VTI1A: variants seen among roughly 807,000 people sequenced by gnomAD.
The protein encoded by VTI1A is vesicle transport through interaction with t-SNAREs homolog 1A.
VTI1A carries 22 observed loss-of-function variants against 34.9 expected under a neutral mutation model. The ratio of observed to expected loss-of-function variants is 0.63; its 90% confidence interval spans 0.45 to 0.90. The LOEUF (loss-of-function observed/expected upper bound fraction) is 0.90. Among genes scored for constraint, VTI1A ranks in the 40% least tolerant of loss-of-function variants. The pLI is 0.00. For synonymous variants in VTI1A, 87 were observed against 97.3 expected, an observed-to-expected ratio of 0.89 and a Z score of 0.62; for missense variants, 268 against 275.6, an observed-to-expected ratio of 0.97 and a Z score of 0.20.
Position 112,736,724 on chromosome 10 carries a change from G to A in VTI1A, c.560+67726G>A, listed in dbSNP as rs531580341. 30 of 1,551,580 alleles carry A rather than the reference G, an allele frequency of 1.9e-5. 1 individual carries two copies. In the Middle Eastern group the frequency reaches 6.7e-4, roughly 35 times the overall value. ...AGGATTTCTCTTCACTGTTCACAGG[G>A]GTTGTTCTGTGAAAAAACAATGTAA... is the stretch of plus-strand genomic sequence containing the variant. On this transcript the variant is annotated intron_variant, in intron 7 of 7. Coordinates refer to ENST00000393077, the MANE Select transcript of VTI1A (RefSeq NM_145206.4).
intron 7 of VTI1A, among the ~76,000 whole-genome samples, chr10:112,717,761 G>A (rs1030204887): frequency 6.6e-6 from 1 of 152,120 alleles, no homozygotes; most frequent in South Asian, 2.1e-4. Context: ...AGGGCCTGCC[G>A]AGGTTTAAGG....
chr10:112,831,527 A>T, the VTI1A span: 1 of 152,184 alleles, frequency 6.6e-6, no homozygotes, highest in Non-Finnish European at 1.5e-5. Flanking sequence ...TTTAAGAGGG[A>T]GCTGAGCAGC....
At chr10:112,731,926 A>G (rs1325890518) in intron 7 of VTI1A, among the ~76,000 whole-genome samples, 3 of 152,190 alleles carry the variant, frequency 2.0e-5, no homozygotes, top group African/African-American at 4.8e-5. Flanking sequence ...GGCATTAACT[A>G]TTTTTTAAAG....
intron 5 of VTI1A, among the ~76,000 whole-genome samples, chr10:112,667,888 A>G (rs1213072793): frequency 6.6e-6 from 1 of 152,164 alleles, no homozygotes; most frequent in Non-Finnish European, 1.5e-5. Flanking sequence ...ACCAACAGCT[A>G]AATTCCATGA....
chr10:112,487,083 C>T (rs905495377), intron 3 of VTI1A, among the ~76,000 whole-genome samples: 2 of 152,126 alleles, frequency 1.3e-5, no homozygotes, highest in African/African-American at 4.8e-5. Context: ...TATAAATACT[C>T]TGCATCCGGG....
chr10:112,664,338 T>C (rs911958668), intron 5 of VTI1A, among the ~76,000 whole-genome samples: 2 of 152,184 alleles, frequency 1.3e-5, no homozygotes, highest in African/African-American at 4.8e-5. Context: ...TCCTAACTTC[T>C]TATAGAGAAT....
intron 7 of VTI1A, among the ~76,000 whole-genome samples, chr10:112,794,394 A>G: frequency 6.6e-6 from 1 of 152,026 alleles, no homozygotes; most frequent in East Asian, 1.9e-4. Flanking sequence ...CATTGCTACA[A>G]AAAATAAATT....
At chr10:112,821,357 G>GGGGGAT, downstream of VTI1A, among the ~76,000 whole-genome samples, 1 of 152,272 alleles carries the variant, frequency 6.6e-6, no homozygotes, top group South Asian at 2.1e-4. Context: ...TCCCCCAGGT[G>GGGGGAT]TGTTCAGGAG....
chr10:112,550,864 C>G (rs1173530734), intron 5 of VTI1A, among the ~76,000 whole-genome samples: 1 of 152,160 alleles, frequency 6.6e-6, no homozygotes, highest in Non-Finnish European at 1.5e-5. Context: ...GTAGTCCTAC[C>G]ATTACCCTCC....
At chr10:112,478,854 T>A (rs1385577989) in intron 3 of VTI1A, among the ~76,000 whole-genome samples, 1 of 151,398 alleles carries the variant, frequency 6.6e-6, no homozygotes, top group Non-Finnish European at 1.5e-5. Flanking sequence ...TTCTAATAAC[T>A]GACACACCCG....
At chr10:112,515,063 A>T (rs1849729674) in intron 3 of VTI1A, among the ~76,000 whole-genome samples, 1 of 152,086 alleles carries the variant, frequency 6.6e-6, no homozygotes, top group Non-Finnish European at 1.5e-5. Context: ...TGAAAAATTG[A>T]ATTAATTAGA....
At chr10:112,545,283 G>A (rs1257340754) in intron 5 of VTI1A, among the ~76,000 whole-genome samples, 27 of 152,200 alleles carry the variant, frequency 1.8e-4, no homozygotes, top group Non-Finnish European at 1.5e-5. Context: ...TAATCTTTGT[G>A]CCTTGTAGGG....
At chr10:112,617,584 G>A (rs771465801) in intron 5 of VTI1A, among the ~76,000 whole-genome samples, 1 of 152,024 alleles carries the variant, frequency 6.6e-6, no homozygotes, top group Non-Finnish European at 1.5e-5. Context: ...ATTTTGCTTT[G>A]TTATTGGAAG....
rs1341370845 is a variant in VTI1A, at chr10:112,719,454, T to C, written c.560+50456T>C. On this transcript the variant is annotated intron_variant, in intron 7 of 7. Coordinates refer to ENST00000393077, the MANE Select transcript of VTI1A (RefSeq NM_145206.4). ...AACAGCTTTATTGAGATATAATTTA[T>C]ATGTTATATAATGCGCCCATTTAAA... is the stretch of plus-strand genomic sequence containing the variant. 3.3e-5 allele frequency among the ~76,000 whole-genome samples: 5 copies of C among 152,332 alleles called. No individual in the cohort carries two copies. In the East Asian group the frequency reaches 9.6e-4, roughly 29 times the overall value.
chr10:112,572,275 A>G (rs963022996), intron 5 of VTI1A, among the ~76,000 whole-genome samples: 6 of 152,322 alleles, frequency 3.9e-5, no homozygotes, highest in Admixed American at 3.3e-4. Flanking sequence ...AATGAAGACA[A>G]TGATAGCATG....
intron 5 of VTI1A, among the ~76,000 whole-genome samples, chr10:112,663,352 C>T (rs1239911378): frequency 6.6e-6 from 1 of 152,196 alleles, no homozygotes; most frequent in African/African-American, 2.4e-5. Flanking sequence ...ACACAAAGTA[C>T]TTGTTTCTCT....
At chr10:112,521,844 A>AT (rs1475189786) in intron 3 of VTI1A, among the ~76,000 whole-genome samples, 2 of 151,738 alleles carry the variant, frequency 1.3e-5, no homozygotes, top group East Asian at 1.9e-4. Context: ...AGTTCCATTT[A>AT]TTTTTTTTCT....
At chr10:112,627,011 C>G (rs1018478497) in intron 5 of VTI1A, among the ~76,000 whole-genome samples, 1 of 152,180 alleles carries the variant, frequency 6.6e-6, no homozygotes, top group African/African-American at 2.4e-5. Context: ...TTAAACTTAT[C>G]TAATGTTTAT....
intron 7 of VTI1A, chr10:112,737,647 C>T (rs1226439252): frequency 3.8e-6 from 4 of 1,050,890 alleles, no homozygotes; most frequent in Non-Finnish European, 4.6e-6. Context: ...CACAGGGGTA[C>T]CTCAAAAATA....
Sources: allele counts gnomAD v4.1 joint callset (sites outside exome capture counted in the v4.1 genomes callset), GRCh38; gene constraint gnomAD v4.1.1; transcripts MANE v1.5; gene names NCBI Gene and HGNC (gene_info 2026-07-23, HGNC 2026-07-21).